ZMYND12: variants seen among roughly 807,000 people sequenced by gnomAD.
ZMYND12 encodes the protein zinc finger MYND-type containing 12.
In ZMYND12, 32 loss-of-function variants were observed where a neutral mutation model predicts 41.7. That is an observed-to-expected ratio of 0.77 (90% CI 0.58 to 1.03). The LOEUF (loss-of-function observed/expected upper bound fraction) is 1.03. Ranked by LOEUF, ZMYND12 falls within the 50% of genes least tolerant of loss-of-function variation. The pLI is 0.00. For missense variants in ZMYND12, 424 were observed against 438.5 expected (o/e 0.97, Z 0.30); for synonymous variants, 148 against 164.8 (o/e 0.90, Z 0.78).
Position 42,444,028 on chromosome 1 carries a change from C to A in ZMYND12, c.425-4003G>T, listed in dbSNP as rs541714665. On this transcript the variant is annotated intron_variant, in intron 3 of 7. Coordinates refer to ENST00000372565, the MANE Select transcript of ZMYND12 (RefSeq NM_032257.5). Reference sequence around the variant, plus strand: ...CTATAAGTGCATGCCACCATGACCGCCTAATTTTTTTGTTTTAAGAGATGA... The same window carrying A: ...CTATAAGTGCATGCCACCATGACCGACTAATTTTTTTGTTTTAAGAGATGA... 1.8e-4 allele frequency among the ~76,000 whole-genome samples: 27 copies of A among 152,206 alleles called. No homozygotes were observed. In the Middle Eastern group the frequency reaches 0.02, roughly 115 times the overall value.
intron 5 of ZMYND12, among the ~76,000 whole-genome samples, chr1:42,436,217 G>A (rs987645499): frequency 6.6e-6 from 1 of 152,126 alleles, no homozygotes; most frequent in Non-Finnish European, 1.5e-5. Context: ...GGATGTTAAG[G>A]GTTAGTCTAT....
At chr1:42,437,525 T>G (rs964843841) in intron 4 of ZMYND12, among the ~76,000 whole-genome samples, 9 of 151,396 alleles carry the variant, frequency 5.9e-5, no homozygotes, top group Non-Finnish European at 7.4e-5. Flanking sequence ...AATTTTTTTT[T>G]TTTTTAAAGA....
intron 3 of ZMYND12, among the ~76,000 whole-genome samples, chr1:42,442,845 G>A (rs879253144): frequency 2.6e-5 from 4 of 152,224 alleles, no homozygotes; most frequent in African/African-American, 9.6e-5. Flanking sequence ...GAAGGTCAAA[G>A]TGCAAACTAA....
In ZMYND12 at chr1:42,445,447, A is replaced by AC. The variant is rs1418670359; in HGVS notation, c.424+3019_424+3020insG. ...GACTCCGTCTAAAAAAAAAAAAAAA[A>AC]AAGGGGAGACCCAACCTGGTCTGGA... On this transcript the variant is annotated intron_variant, in intron 3 of 7. Coordinates refer to ENST00000372565, the MANE Select transcript of ZMYND12 (RefSeq NM_032257.5). Among the ~76,000 whole-genome samples the AC allele has an allele frequency of 2.0e-5, 3 of 151,672 alleles. No homozygotes were observed. In the East Asian group the frequency reaches 5.9e-4, roughly 30 times the overall value.
intron 1 of ZMYND12, among the ~76,000 whole-genome samples, chr1:42,451,820 T>C (rs1245051656): frequency 6.6e-6 from 1 of 152,188 alleles, no homozygotes; most frequent in Non-Finnish European, 1.5e-5. Flanking sequence ...TTGTAAGCAA[T>C]GGAAATGTTA....
chr1:42,447,759 T>C (rs1463389335), intron 3 of ZMYND12, among the ~76,000 whole-genome samples: 3 of 152,198 alleles, frequency 2.0e-5, no homozygotes. Flanking sequence ...ATTTTTTTAA[T>C]GGTGGCTATT....
intron 3 of ZMYND12, among the ~76,000 whole-genome samples, chr1:42,442,631 C>T (rs1276412118): frequency 2.0e-5 from 3 of 152,114 alleles, no homozygotes; most frequent in Non-Finnish European, 4.4e-5. Context: ...GGTGCTGCAG[C>T]AGAAATGGCA....
intron 4 of ZMYND12, among the ~76,000 whole-genome samples, chr1:42,436,868 G>A (rs1033355905): frequency 6.6e-6 from 1 of 152,036 alleles, no homozygotes; most frequent in African/African-American, 2.4e-5. Context: ...TTGCCAATGG[G>A]AATGTAAAAG....
Position 42,435,499 on chromosome 1 carries a change from T to C in ZMYND12, c.718-114A>G. 7.7e-6 allele frequency: 6 copies of C among 776,888 alleles called. No individual in the cohort carries two copies. The South Asian group carries it at 9.5e-5, about 12-fold the overall frequency. The allele number at this position is 776,888 out of a possible 1,614,324, so 48.1% of individuals were successfully genotyped here. A position where few individuals can be genotyped will look rare whatever the true frequency, so the allele number is the denominator to read the frequency against. ...GCTTCTGGACAACCTGGAGGTTCTC[T>C]CTCTTACTGTGCCTGGAGGCAGAGG... On this transcript the variant is annotated intron_variant, in intron 5 of 7. Coordinates refer to ENST00000372565, the MANE Select transcript of ZMYND12 (RefSeq NM_032257.5).
rs113172224 is a variant in ZMYND12 at position 42,449,849 on chromosome 1, GT to G, written c.252+68del. On this transcript the variant is annotated intron_variant, in intron 2 of 7. Transcript: ENST00000372565. Reference sequence around the variant, plus strand: ...GTTACAATTTAGTGATCCCAACACAGTTCGAGCCTTGTCTTGGGCAGCTTCA... The same window carrying G: ...GTTACAATTTAGTGATCCCAACACAGTCGAGCCTTGTCTTGGGCAGCTTCA... 3.9e-3 allele frequency: 6,175 copies of G among 1,581,478 alleles called. 221 individuals are homozygous for G. The African/African-American group carries it at 0.073, about 19-fold the overall frequency.
intron 4 of ZMYND12, among the ~76,000 whole-genome samples, chr1:42,436,900 G>A (rs1430119166): frequency 6.6e-6 from 1 of 152,102 alleles, no homozygotes. Context: ...TGTGGAAACA[G>A]TTTGGTAGTT....
At chr1:42,451,322 T>C (rs1643081211) in intron 1 of ZMYND12, among the ~76,000 whole-genome samples, 1 of 152,258 alleles carries the variant, frequency 6.6e-6, no homozygotes, top group Non-Finnish European at 1.5e-5. Flanking sequence ...CTGTCTGTTT[T>C]TGCTGCATGT....
chr1:42,452,026 G>A (rs1287694162), intron 1 of ZMYND12, among the ~76,000 whole-genome samples: 1 of 152,152 alleles, frequency 6.6e-6, no homozygotes. Flanking sequence ...AGTAGCTTGT[G>A]AGCCACATGT....
At chr1:42,454,739 T>C (rs2148412389) in intron 1 of ZMYND12, among the ~76,000 whole-genome samples, 1 of 152,026 alleles carries the variant, frequency 6.6e-6, no homozygotes, top group South Asian at 2.1e-4. Flanking sequence ...GTTTCACTCT[T>C]GTTGCCCAAG....
intron 3 of ZMYND12, among the ~76,000 whole-genome samples, chr1:42,441,524 A>G (rs1342610254): frequency 6.6e-6 from 1 of 152,214 alleles, no homozygotes; most frequent in Middle Eastern, 3.2e-3. Flanking sequence ...AGTAAATGCT[A>G]TGTAAATAGT....
intron 7 of ZMYND12, among the ~76,000 whole-genome samples, chr1:42,432,663 A>G (rs74068434): frequency 0.019 from 2,870 of 152,350 alleles, 89 homozygotes; most frequent in African/African-American, 0.064. Flanking sequence ...GAGATAATAA[A>G]ATAGCTACCT....
chr1:42,435,734 C>T (rs1275587627), intron 5 of ZMYND12, among the ~76,000 whole-genome samples: 3 of 152,170 alleles, frequency 2.0e-5, no homozygotes, highest in African/African-American at 7.2e-5. Flanking sequence ...GTAAATAAAC[C>T]GAGGCTCAGA....
chr1:42,437,908 T>G (rs748198110), intron 4 of ZMYND12, among the ~76,000 whole-genome samples: 23 of 152,226 alleles, frequency 1.5e-4, no homozygotes, highest in African/African-American at 1.9e-4. Flanking sequence ...ACTCCTGACC[T>G]CTGGTGATCC....
intron 6 of ZMYND12, among the ~76,000 whole-genome samples, chr1:42,434,878 C>A (rs1326446949): frequency 6.6e-6 from 1 of 151,864 alleles, no homozygotes; most frequent in Non-Finnish European, 1.5e-5. Context: ...CTCCTGAAAC[C>A]ATTCCTCCCA....
Sources: gnomAD v4.1 joint callset for allele counts (sites outside exome capture counted in the v4.1 genomes callset) on GRCh38, gnomAD v4.1.1 for gene constraint, MANE v1.5 for transcripts, NCBI Gene and HGNC (gene_info 2026-07-23, HGNC 2026-07-21) for gene names.